Variants in GALNT7 observed in about 807,000 individuals in gnomAD.
GALNT7 encodes the protein polypeptide N-acetylgalactosaminyltransferase 7.
GALNT7 carries 60 observed loss-of-function variants against 82.1 expected under a neutral mutation model. The observed-to-expected ratio is 0.73, with a 90% CI of 0.59 to 0.91. The LOEUF is 0.91. Ranked by LOEUF, GALNT7 falls within the 40% of genes least tolerant of loss-of-function variation. The pLI is 0.00. For synonymous variants in GALNT7, 243 were observed against 275.1 expected (o/e 0.88, Z 1.15); for missense variants, 660 against 804.2 (o/e 0.82, Z 2.17).
chr4:173,275,473 A>T (rs1579980384), intron 2 of GALNT7, among the ~76,000 whole-genome samples: 2 of 152,184 alleles, frequency 1.3e-5, no homozygotes, highest in Admixed American at 1.3e-4. Context: ...AGAAAATGGA[A>T]ATAAACACAA....
Position 173,302,259 on chromosome 4 carries a change from A to C in GALNT7, c.1266+95A>C, listed in dbSNP as rs1736970922. On this transcript the variant is annotated intron_variant, in intron 7 of 11. Transcript: ENST00000265000. This position sits in a 1 kb window ranked among gnomAD's most constrained non-coding sequence, Gnocchi z 4.2. ...AGTTTTTTGTGGGGGAAAAAAGCCC[A>C]CAATTATATCATGCATTTCTCCAAA... The C allele has an allele frequency of 1.3e-6, 1 of 743,910 alleles. No homozygotes were observed. The highest frequency in any genetic ancestry group is 2.4e-6 in the Non-Finnish European group (1 of 410,324). The allele number at this position is 743,910 out of a possible 1,614,324, so 46.1% of individuals were successfully genotyped here.
At chr4:173,190,529 G>C (rs74687616) in intron 1 of GALNT7, among the ~76,000 whole-genome samples, 3,627 of 152,206 alleles carry the variant, frequency 0.024, 80 homozygotes, top group African/African-American at 0.054. Context: ...AGCACAGTTA[G>C]CATGGTCTTG....
At chr4:173,173,354 C>T (rs1159597710) in intron 1 of GALNT7, among the ~76,000 whole-genome samples, 1 of 151,842 alleles carries the variant, frequency 6.6e-6, no homozygotes, top group Non-Finnish European at 1.5e-5. Flanking sequence ...TAAATTATGT[C>T]CCAGACTAAC....
In GALNT7 at chr4:173,227,805, G is replaced by A. The variant is rs538305126; in HGVS notation, c.127-20175G>A. Among the ~76,000 whole-genome samples, 3 of 151,832 alleles carry A rather than the reference G, an allele frequency of 2.0e-5. No individual in the cohort carries two copies. The South Asian group carries it at 6.2e-4, about 32-fold the overall frequency. On this transcript the variant is annotated intron_variant, in intron 1 of 11. Coordinates refer to ENST00000265000, the MANE Select transcript of GALNT7 (RefSeq NM_017423.3). Reference sequence around the variant, plus strand: ...GATTTCACTGCATTCTGTGTTTTTTGCACCTTTTAAAAAAAATCGCTTAAG... The same window carrying A: ...GATTTCACTGCATTCTGTGTTTTTTACACCTTTTAAAAAAAATCGCTTAAG...
rs960352367 is a variant in GALNT7, at chr4:173,292,013, C to T, written c.588-95C>T. On this transcript the variant is annotated intron_variant, in intron 2 of 11. Transcript: ENST00000265000. This position sits in a 1 kb window ranked among gnomAD's most constrained non-coding sequence, Gnocchi z 4.8. The stretch of plus-strand genomic sequence containing the variant: ...TTTCATTCACTTACCGTAGTTAAGT[C>T]GATAGTATGTAATCCAATCAGCAAA... 29 of 727,122 alleles carry T rather than the reference C, an allele frequency of 4.0e-5. No individual in the cohort carries two copies. The highest frequency in any genetic ancestry group is 3.1e-4 in the East Asian group (11 of 35,626). The allele number at this position is 727,122 out of a possible 1,614,324, so 45.0% of individuals were successfully genotyped here. A position where few individuals can be genotyped will look rare whatever the true frequency, so the allele number is the denominator to read the frequency against.
In GALNT7 at chr4:173,302,966, A is replaced by G. The variant is rs1326464643; in HGVS notation, c.1266+802A>G. On this transcript the variant is annotated intron_variant, in intron 7 of 11. Coordinates refer to ENST00000265000, the MANE Select transcript of GALNT7 (RefSeq NM_017423.3). The surrounding 1 kb of genome is among the most constrained non-coding windows in gnomAD (Gnocchi z 4.2). ...AAACCCATCACTTTGGGAGGCCAAC[A>G]TGGGCGGATCATGAGGTCAAGAGAT... Among the ~76,000 whole-genome samples, 1 of 152,232 alleles carries G rather than the reference A, an allele frequency of 6.6e-6. No homozygotes were observed. Among genetic ancestry groups the G allele is most frequent in the Admixed American group, 6.5e-5 (1 of 15,286 alleles).
At chr4:173,213,009 G>A (rs1227910582) in intron 1 of GALNT7, among the ~76,000 whole-genome samples, 1 of 151,988 alleles carries the variant, frequency 6.6e-6, no homozygotes, top group East Asian at 1.9e-4. Flanking sequence ...TTGGACAAAT[G>A]GATGTAATTG....
chr4:173,271,143 G>A (rs1266936677), intron 2 of GALNT7, among the ~76,000 whole-genome samples: 2 of 152,146 alleles, frequency 1.3e-5, no homozygotes, highest in Non-Finnish European at 2.9e-5. Context: ...AAGTGAATAC[G>A]AAAATTTGGT....
chr4:173,247,780 G>C (rs1734695516), intron 1 of GALNT7, among the ~76,000 whole-genome samples, 200 bp from the exon 2 acceptor site: 1 of 152,128 alleles, frequency 6.6e-6, no homozygotes, highest in Admixed American at 6.6e-5. Context: ...GTAAGGCGAG[G>C]AGATAGCCTA....
chr4:173,211,089 A>G (rs187633469), intron 1 of GALNT7, among the ~76,000 whole-genome samples: 7 of 152,244 alleles, frequency 4.6e-5, no homozygotes, highest in Admixed American at 1.3e-4. Flanking sequence ...GTACATCTCA[A>G]TTTGGGCCAG....
chr4:173,271,202 G>A (rs1735709235), intron 2 of GALNT7, among the ~76,000 whole-genome samples: 1 of 152,156 alleles, frequency 6.6e-6, no homozygotes. Flanking sequence ...AAGCTTTAAT[G>A]TATTATTTTT....
In GALNT7 at chr4:173,302,196, C is replaced by T. The variant is rs1304229590; in HGVS notation, c.1266+32C>T. ...TTTTATTTCAACAGATGGAATTCTC[C>T]AAGTCGTTACTAACTTCTGTGGCTT... On this transcript the variant is annotated intron_variant, in intron 7 of 11. Transcript: ENST00000265000. The surrounding 1 kb of genome is among the most constrained non-coding windows in gnomAD (Gnocchi z 4.2). 1.1e-6 allele frequency: 1 copy of T among 939,120 alleles called. No individual in the cohort carries two copies. The highest frequency in any genetic ancestry group is 1.8e-6 in the Non-Finnish European group (1 of 566,082). The allele number at this position is 939,120 out of a possible 1,614,324, so 58.2% of individuals were successfully genotyped here.
chr4:173,169,470 C>G (rs1205993114), intron 1 of GALNT7: 1 of 151,608 alleles, frequency 6.6e-6, no homozygotes, highest in Admixed American at 6.6e-5. Flanking sequence ...CCTCCCCTCC[C>G]GCAGCCGCCC....
chr4:173,235,065 A>G (rs1173929319), intron 1 of GALNT7, among the ~76,000 whole-genome samples: 1 of 152,094 alleles, frequency 6.6e-6, no homozygotes, highest in Non-Finnish European at 1.5e-5. Flanking sequence ...CGAAGACACT[A>G]ATTAACCCTT....
chr4:173,215,980 C>T (rs1002552115), intron 1 of GALNT7, among the ~76,000 whole-genome samples: 13 of 151,966 alleles, frequency 8.6e-5, no homozygotes, highest in African/African-American at 2.7e-4. Context: ...AGAAATCAGC[C>T]GGGCATGGCA....
chr4:173,277,044 A>AGATT (rs67145270), intron 2 of GALNT7, among the ~76,000 whole-genome samples: 4 of 151,900 alleles, frequency 2.6e-5, no homozygotes, highest in East Asian at 3.9e-4. Context: ...ATTGATTGAT[A>AGATT]GATTGATTGA....
chr4:173,183,086 A>ACACACACG (rs1732320688), intron 1 of GALNT7, among the ~76,000 whole-genome samples: 1 of 143,992 alleles, frequency 6.9e-6, no homozygotes, highest in Non-Finnish European at 1.5e-5. Context: ...ACACACACAC[A>ACACACACG]CACACTGCTT....
At chr4:173,249,241 T>C (rs1056623912) in intron 2 of GALNT7, among the ~76,000 whole-genome samples, 43 of 152,330 alleles carry the variant, frequency 2.8e-4, no homozygotes, top group African/African-American at 1.0e-3. Context: ...GATGATGTAT[T>C]GTTAGCATAA....
chr4:173,241,392 C>G (rs1360241212), intron 1 of GALNT7, among the ~76,000 whole-genome samples: 1 of 152,242 alleles, frequency 6.6e-6, no homozygotes, highest in African/African-American at 2.4e-5. Flanking sequence ...CTTACCTCAT[C>G]TAGATATTCT....
Sources: gnomAD v4.1 joint callset for allele counts (sites outside exome capture counted in the v4.1 genomes callset) on GRCh38, gnomAD v4.1.1 for gene constraint, Gnocchi (gnomAD v3.1) non-coding constraint, MANE v1.5 for transcripts, NCBI Gene and HGNC (gene_info 2026-07-23, HGNC 2026-07-21) for gene names.